TMEM132B: variants seen among roughly 807,000 people sequenced by gnomAD.
The protein encoded by TMEM132B is transmembrane protein 132B.
TMEM132B carries 18 observed loss-of-function variants against 90.8 expected under a neutral mutation model. That is an observed-to-expected ratio of 0.20 (90% CI 0.14 to 0.29). TMEM132B has a LOEUF of 0.29. Ranked by LOEUF, TMEM132B falls within the 10% of genes least tolerant of loss-of-function variation. The pLI is 1.00. For missense variants in TMEM132B, 1,096 were observed against 1,326.8 expected, an observed-to-expected ratio of 0.83 and a Z score of 2.70; for synonymous variants, 504 against 523.3, an observed-to-expected ratio of 0.96 and a Z score of 0.50.
At chr12:125,568,913 C>T (rs896559088) in intron 4 of TMEM132B, among the ~76,000 whole-genome samples, 3 of 152,174 alleles carry the variant, frequency 2.0e-5, no homozygotes, top group African/African-American at 4.8e-5. Context: ...TCTCTGACCT[C>T]GATGACCACA....
chr12:125,586,051 C>CTA (rs1417310330), intron 5 of TMEM132B: 1 of 152,228 alleles, frequency 6.6e-6, no homozygotes, highest in African/African-American at 2.4e-5. Context: ...GTCCACAGAG[C>CTA]TATGACCTTG....
intron 3 of TMEM132B, among the ~76,000 whole-genome samples, chr12:125,433,520 T>G (rs1880603710): frequency 8.9e-6 from 1 of 112,492 alleles, no homozygotes; most frequent in Non-Finnish European, 1.7e-5. Flanking sequence ...TTTTTTTTTT[T>G]GTCTTTTTTT....
chr12:125,602,678 CTGTT>C (rs1420894613), intron 5 of TMEM132B, among the ~76,000 whole-genome samples: 2 of 152,222 alleles, frequency 1.3e-5, no homozygotes, highest in Non-Finnish European at 2.9e-5. Flanking sequence ...CAAATTGTCT[CTGTT>C]TGTAGACGAC....
At chr12:125,632,007 C>T (rs141966246) in intron 5 of TMEM132B, among the ~76,000 whole-genome samples, 1 of 152,044 alleles carries the variant, frequency 6.6e-6, no homozygotes, top group East Asian at 1.9e-4. Context: ...TAAGGACTTA[C>T]TCCTTCCATT....
intron 2 of TMEM132B, among the ~76,000 whole-genome samples, chr12:125,353,699 G>C (rs1439359827): frequency 2.6e-5 from 4 of 152,120 alleles, no homozygotes; most frequent in Non-Finnish European, 5.9e-5. Flanking sequence ...GAACCCCTGT[G>C]ATCTGACCAT....
intron 2 of TMEM132B, among the ~76,000 whole-genome samples, chr12:125,370,207 A>G (rs1381283562): frequency 6.6e-6 from 1 of 152,214 alleles, no homozygotes; most frequent in East Asian, 1.9e-4. Context: ...ACAGGCATCT[A>G]TTTAAGGAAA....
At chr12:125,649,885 A>T (rs528166465) in intron 6 of TMEM132B, among the ~76,000 whole-genome samples, 4 of 152,308 alleles carry the variant, frequency 2.6e-5, no homozygotes, top group African/African-American at 7.2e-5. Context: ...GGGAGAGAGG[A>T]AGGGTCAGAG....
chr12:125,648,997 T>C (rs1183947484), intron 6 of TMEM132B, among the ~76,000 whole-genome samples: 1 of 152,206 alleles, frequency 6.6e-6, no homozygotes, highest in Non-Finnish European at 1.5e-5. Context: ...CCCTGTGACA[T>C]ATTCAGAAGG....
At chr12:125,234,884 A>G (rs561766923) in intron 1 of TMEM132B, among the ~76,000 whole-genome samples, 1 of 152,216 alleles carries the variant, frequency 6.6e-6, no homozygotes, top group East Asian at 1.9e-4. Flanking sequence ...GTGGGGATAA[A>G]TGGGGTGTGG....
chr12:125,574,857 T>C (rs185659686), intron 4 of TMEM132B, among the ~76,000 whole-genome samples: 24 of 151,670 alleles, frequency 1.6e-4, no homozygotes, highest in Non-Finnish European at 2.7e-4. Context: ...TTTCTACTGA[T>C]ATCTGTACTG....
At chr12:125,473,937 G>A (rs931583957) in intron 3 of TMEM132B, among the ~76,000 whole-genome samples, 3 of 151,608 alleles carry the variant, frequency 2.0e-5, no homozygotes, top group African/African-American at 7.3e-5. Flanking sequence ...AGAGATCCAA[G>A]TTTCCTTATC....
At chr12:125,338,034 C>T (rs911632899) in intron 1 of TMEM132B, among the ~76,000 whole-genome samples, 2 of 152,224 alleles carry the variant, frequency 1.3e-5, no homozygotes, top group Admixed American at 1.3e-4. Flanking sequence ...CTAATGTACA[C>T]ACCTTCTTCC....
chr12:125,272,265 G>A (rs150902923), intron 1 of TMEM132B, among the ~76,000 whole-genome samples: 1 of 152,282 alleles, frequency 6.6e-6, no homozygotes, highest in South Asian at 2.1e-4. Context: ...TTTGAATTCC[G>A]AGCTAAAGGG....
At chr12:125,545,938 A>T (rs1489435401) in intron 4 of TMEM132B, among the ~76,000 whole-genome samples, 1 of 152,160 alleles carries the variant, frequency 6.6e-6, no homozygotes, top group African/African-American at 2.4e-5. Context: ...CCTTCAGGAG[A>T]TTGGGAAAAG....
intron 1 of TMEM132B, among the ~76,000 whole-genome samples, chr12:125,307,408 G>A (rs1875999472): frequency 1.3e-5 from 2 of 152,094 alleles, no homozygotes; most frequent in Admixed American, 1.3e-4. Flanking sequence ...TGATTTAAGT[G>A]ATTTTCTTAA....
In TMEM132B at chr12:125,436,722, G is replaced by A. The variant is rs1000030239; in HGVS notation, c.1106+21045G>A. On this transcript the variant is annotated intron_variant, in intron 3 of 8. Transcript: ENST00000682704. ...AACTTCAAGGGAATAAATTTCTGTG[G>A]TTAAAGCCACTCAATTGGTGGTACT... Among the ~76,000 whole-genome samples the A allele has an allele frequency of 3.3e-5, 5 of 152,280 alleles. No individual in the cohort carries two copies. In the South Asian group the frequency reaches 6.2e-4, roughly 19 times the overall value.
intron 1 of TMEM132B, among the ~76,000 whole-genome samples, chr12:125,231,584 T>A (rs2136083108): frequency 6.6e-6 from 1 of 152,284 alleles, no homozygotes; most frequent in African/African-American, 2.4e-5. Flanking sequence ...TTGAAACATA[T>A]TTTTTAGTGG....
chr12:125,582,146 C>T (rs900287803), intron 4 of TMEM132B, among the ~76,000 whole-genome samples: 2 of 151,984 alleles, frequency 1.3e-5, no homozygotes, highest in African/African-American at 2.4e-5. Context: ...AAAAATAAAT[C>T]ATCTATAAAA....
chr12:125,483,012 G>T (rs1001525244), intron 3 of TMEM132B, among the ~76,000 whole-genome samples: 4 of 150,040 alleles, frequency 2.7e-5, no homozygotes, highest in Non-Finnish European at 4.4e-5. Flanking sequence ...ACCAAACACC[G>T]CATGTTCTCA....
Sources: gnomAD v4.1 joint callset for allele counts (sites outside exome capture counted in the v4.1 genomes callset) on GRCh38, gnomAD v4.1.1 for gene constraint, MANE v1.5 for transcripts, NCBI Gene and HGNC (gene_info 2026-07-23, HGNC 2026-07-21) for gene names.